The following COL4A6 variants were observed in gnomAD, a reference collection of about 807,000 sequenced individuals.
The protein encoded by COL4A6 is collagen alpha-6(IV) chain.
In COL4A6, 59 loss-of-function variants were observed where a neutral mutation model predicts 126.7. The ratio of observed to expected loss-of-function variants is 0.47; its 90% confidence interval spans 0.38 to 0.58. COL4A6 has a LOEUF of 0.58. Ranked by LOEUF, COL4A6 falls within the 20% of genes least tolerant of loss-of-function variation. The probability of loss-of-function intolerance (pLI) is 0.00; values close to 1 mark genes in which losing one functional copy is unlikely to be tolerated. For synonymous variants in COL4A6, 547 were observed against 496.6 expected (o/e 1.10, Z -1.35); for missense variants, 1,285 against 1,337.3 (o/e 0.96, Z 0.61).
chrX:108,312,543 A>C (rs951104991), intron 2 of COL4A6, among the ~76,000 whole-genome samples: 15 of 111,606 alleles, frequency 1.3e-4, no homozygotes, highest in African/African-American at 4.6e-4. Context: ...TACAAGAGAG[A>C]ACTGAGAGAG....
At chrX:108,231,204 A>G (rs189356940) in intron 3 of COL4A6, among the ~76,000 whole-genome samples, 38 of 112,189 alleles carry the variant, frequency 3.4e-4, no homozygotes, top group African/African-American at 1.2e-3. Context: ...CAACACTCAA[A>G]TGGAATCACA....
chrX:108,419,502 G>C (rs769720968), intron 2 of COL4A6, among the ~76,000 whole-genome samples: 2 of 112,008 alleles, frequency 1.8e-5, no homozygotes, highest in East Asian at 5.6e-4. Flanking sequence ...TTCTATTCAA[G>C]ATTAAAGACC....
At chrX:108,219,869 T>C in intron 4 of COL4A6, 127 bp from the exon 5 acceptor site, 1 of 106,863 alleles carries the variant, frequency 9.4e-6, no homozygotes, top group East Asian at 5.3e-5. Context: ...CCCCATATTG[T>C]ATTCCCTTGA....
rs1279972671 is a variant in COL4A6, at chrX:108,192,473, C to A, written c.1180G>T (p.Gly394Cys). The A allele has an allele frequency of 8.4e-7, 1 of 1,196,998 alleles. No homozygotes were observed. Among genetic ancestry groups the A allele is most frequent in the South Asian group, 1.8e-5 (1 of 55,597 alleles). Residue 394 changes from glycine to cysteine, a missense_variant and splice_region_variant, in exon 18 of 45, where the codon GGT becomes TGT. Physicochemically the swap from Gly to Cys is radical, Grantham distance 159. Transcript: ENST00000334504. Reference protein sequence around the residue: ...SGVPGLPALSGVPGALGPQGF... With the variant: ...SGVPGLPALSCVPGALGPQGF... ...TAGGAAATGGGTTAGTTTTTTTCAC[C>A]TGATAATGCTGGCAATCCAGGGACA...
intron 3 of COL4A6, among the ~76,000 whole-genome samples, chrX:108,259,559 G>A (rs2037104078): frequency 9.0e-6 from 1 of 111,677 alleles, no homozygotes; most frequent in African/African-American, 3.3e-5. Context: ...GCCACCAACT[G>A]TCTGTGTAAC....
intron 3 of COL4A6, among the ~76,000 whole-genome samples, chrX:108,231,712 T>G (rs753289424): frequency 8.9e-6 from 1 of 112,015 alleles, no homozygotes; most frequent in African/African-American, 3.2e-5. Flanking sequence ...CACAAACCCA[T>G]GAACAGGAGC....
At chrX:108,235,576 C>G (rs1481296630) in intron 3 of COL4A6, among the ~76,000 whole-genome samples, 1 of 110,895 alleles carries the variant, frequency 9.0e-6, no homozygotes, top group Non-Finnish European at 1.9e-5. Context: ...GAGTCTATGG[C>G]CTGTATAGGG....
intron 3 of COL4A6, among the ~76,000 whole-genome samples, chrX:108,272,918 T>G (rs2037492082): frequency 9.1e-6 from 1 of 110,142 alleles, no homozygotes; most frequent in Non-Finnish European, 1.9e-5. Flanking sequence ...TATATATTTT[T>G]TACTTTCTTT....
intron 3 of COL4A6, among the ~76,000 whole-genome samples, chrX:108,249,300 G>T (rs2036791962): frequency 9.1e-6 from 1 of 110,177 alleles, no homozygotes; most frequent in African/African-American, 3.3e-5. Flanking sequence ...AACTGCTTGG[G>T]ATACAACAGG....
chrX:108,382,962 AAATAATAAT>A lies in COL4A6; in HGVS notation c.63+54971_63+54979del, dbSNP rs4035941. Among the ~76,000 whole-genome samples, 404 of 88,293 alleles carry A rather than the reference AAATAATAAT, an allele frequency of 4.6e-3. 2 individuals are homozygous for A. The highest frequency in any genetic ancestry group is 0.014 in the African/African-American group (345 of 24,156). The allele number at this position is 88,293 out of a possible 115,157, so 76.7% of individuals were successfully genotyped here. On this transcript the variant is annotated intron_variant, in intron 2 of 44. Transcript: ENST00000334504. ...GACCCTGTCTCCATTCCCCCGCCAA[AAATAATAAT>A]AATAATAATAATAATAATAATAATA...
intron 2 of COL4A6, among the ~76,000 whole-genome samples, chrX:108,430,879 T>C (rs1038322146): frequency 8.9e-6 from 1 of 111,939 alleles, no homozygotes; most frequent in Non-Finnish European, 1.9e-5. Context: ...GTGCCTATAC[T>C]AAACTCCAGG....
intron 2 of COL4A6, among the ~76,000 whole-genome samples, chrX:108,373,635 AAGCCTGTTATATCTCCCC>A (rs1157476028): frequency 9.0e-6 from 1 of 110,948 alleles, no homozygotes; most frequent in Non-Finnish European, 1.9e-5. Flanking sequence ...TTCCTTGATT[AAGCCTGTTATATCTCCCC>A]AGCCCCCAGT....
At chrX:108,281,918 G>T (rs2037844559) in intron 3 of COL4A6, among the ~76,000 whole-genome samples, 1 of 109,976 alleles carries the variant, frequency 9.1e-6, no homozygotes, top group Middle Eastern at 4.2e-3. Context: ...TTTAATAAAT[G>T]GTACTGGGAA....
intron 2 of COL4A6, among the ~76,000 whole-genome samples, chrX:108,353,288 T>C (rs2039884958): frequency 8.9e-6 from 1 of 112,293 alleles, no homozygotes; most frequent in Admixed American, 9.4e-5. Flanking sequence ...ATCTTCTCTT[T>C]TTATCATGGA....
intron 2 of COL4A6, among the ~76,000 whole-genome samples, chrX:108,340,841 G>T (rs189229273): frequency 7.4e-5 from 6 of 80,633 alleles, no homozygotes; most frequent in Non-Finnish European, 1.2e-4. Context: ...AGTGGGGTGG[G>T]GGGGGGGAAT....
chrX:108,196,863 T>C (rs1277457558), intron 13 of COL4A6, among the ~76,000 whole-genome samples: 2 of 112,382 alleles, frequency 1.8e-5, no homozygotes, highest in African/African-American at 6.5e-5. Context: ...TGATTAAATA[T>C]CTAACCTTGT....
intron 37 of COL4A6, among the ~76,000 whole-genome samples, chrX:108,167,455 G>A (rs1482651480): frequency 9.0e-6 from 1 of 111,014 alleles, no homozygotes; most frequent in Non-Finnish European, 1.9e-5. Context: ...TCCCACCTCA[G>A]CCCCCGAGTA....
intron 2 of COL4A6, among the ~76,000 whole-genome samples, chrX:108,392,639 T>C (rs1342034096): frequency 1.8e-5 from 2 of 111,589 alleles, no homozygotes; most frequent in African/African-American, 6.5e-5. Flanking sequence ...AAAATTAGCA[T>C]GCTAAAATTC....
In COL4A6 at chrX:108,170,822, G is replaced by A. The variant is rs35179844; in HGVS notation, c.3373C>T (p.Pro1125Ser). 8,018 of 1,210,551 alleles carry A rather than the reference G, an allele frequency of 6.6e-3. 317 individuals carry two copies. The African/African-American group carries it at 0.12, about 18-fold the overall frequency. ...TGTGGCATGGTACCTGGAGCTCCAG[G>A]AAGGCCAACATCTCCAGAAACACCA... Reference protein sequence around the residue: ...KVGVSGDVGLPGAPGFPGVAG... With the variant: ...KVGVSGDVGLSGAPGFPGVAG... Residue 1125 changes from proline to serine, a missense_variant, in exon 34 of 45, where the codon CCT (proline) becomes TCT (serine). Coordinates refer to ENST00000334504, the MANE Select transcript of COL4A6 (RefSeq NM_033641.4).
Sources: allele counts gnomAD v4.1 joint callset (sites outside exome capture counted in the v4.1 genomes callset), GRCh38; gene constraint gnomAD v4.1.1; transcripts MANE v1.5; gene names NCBI Gene and HGNC (gene_info 2026-07-23, HGNC 2026-07-21).